The following CSMD2 variants were observed in gnomAD, a reference collection of about 807,000 sequenced individuals.
CSMD2 encodes CUB and Sushi multiple domains 2.
Under a neutral mutation model 398.5 loss-of-function variants are expected in CSMD2, and 130 were observed. The ratio of observed to expected loss-of-function variants is 0.33; its 90% CI spans 0.28 to 0.38. The LOEUF (loss-of-function observed/expected upper bound fraction) is 0.38, where lower values mean the gene tolerates loss of function less well. Among genes scored for constraint, CSMD2 ranks in the 10% least tolerant of loss-of-function variants. The pLI is 1.00. For missense variants in CSMD2, 3,829 were observed against 4,764.9 expected, an observed-to-expected ratio of 0.80 and a Z score of 5.78; for synonymous variants, 1,828 against 1,908.5, an observed-to-expected ratio of 0.96 and a Z score of 1.10.
chr1:33,692,836 C>A, intron 25 of CSMD2, 94 bp downstream of exon 25: 3 of 1,478,388 alleles, frequency 2.0e-6, no homozygotes, highest in Non-Finnish European at 1.9e-6. Flanking sequence ...GTGAGGCAGG[C>A]AGGCCAGGCA....
At chr1:34,073,756 G>A (rs1425037247) in intron 2 of CSMD2, among the ~76,000 whole-genome samples, 1 of 152,156 alleles carries the variant, frequency 6.6e-6, no homozygotes, top group African/African-American at 2.4e-5. Context: ...GAGACCCCTG[G>A]CCCACCCCTC....
At chr1:33,731,788 T>G (rs967320057) in intron 15 of CSMD2, among the ~76,000 whole-genome samples, 7 of 152,228 alleles carry the variant, frequency 4.6e-5, no homozygotes, top group African/African-American at 1.7e-4. Flanking sequence ...TTATATTAAT[T>G]GTTTTTAATT....
At chr1:34,085,241 TA>T (rs1193647965) in intron 2 of CSMD2, among the ~76,000 whole-genome samples, 7 of 151,586 alleles carry the variant, frequency 4.6e-5, no homozygotes, top group East Asian at 1.9e-4. Context: ...GGGGTGGGGT[TA>T]GGGGGGAGGG....
chr1:33,950,387 G>A (rs1214374098), intron 3 of CSMD2, among the ~76,000 whole-genome samples: 2 of 56,858 alleles, frequency 3.5e-5, no homozygotes, highest in Non-Finnish European at 7.3e-5. Flanking sequence ...CTCCAGCAGA[G>A]AGAGAGAGAG....
chr1:33,740,135 G>A (rs1051034856), intron 14 of CSMD2, among the ~76,000 whole-genome samples: 86 of 152,172 alleles, frequency 5.7e-4, no homozygotes, highest in Admixed American at 4.5e-3. Context: ...GGTGCGGCAC[G>A]TGACAGATGG....
At chr1:33,772,801 T>G in intron 12 of CSMD2, 50 bp from the exon 13 acceptor site, 1 of 1,521,416 alleles carries the variant, frequency 6.6e-7, no homozygotes, top group Non-Finnish European at 9.0e-7. Context: ...ACTTTATACC[T>G]CTTTTGGAGC....
chr1:33,583,691 C>T lies in CSMD2; in HGVS notation c.7191G>A (p.Val2397=). ...VEPDYNISLT[V]EYFLSEKQYD... is the part of the protein sequence containing the mutation. ...ATTGCTTCTCGCTGAGGAAGTACTCCACTGTGAGGGAGATGTTATAGTCGG... is the reference window on the plus strand; with the variant it reads ...ATTGCTTCTCGCTGAGGAAGTACTCTACTGTGAGGGAGATGTTATAGTCGG... Residue 2397 remains valine (V), a synonymous_variant, in exon 47 of 71, where the codon GTG becomes GTA. Coordinates refer to ENST00000373381, the MANE Select transcript of CSMD2 (RefSeq NM_001281956.2). The T allele has an allele frequency of 6.2e-7, 1 of 1,614,130 alleles. No homozygotes were observed. The highest frequency in any genetic ancestry group is 8.5e-7 in the Non-Finnish European group (1 of 1,180,018).
intron 5 of CSMD2, among the ~76,000 whole-genome samples, chr1:33,894,228 T>C (rs1642230684): frequency 6.6e-6 from 1 of 152,150 alleles, no homozygotes; most frequent in Non-Finnish European, 1.5e-5. Flanking sequence ...GCCCCCAGTG[T>C]TACAGCTCTG....
At chr1:33,735,312 G>A (rs1250809124) in intron 15 of CSMD2, among the ~76,000 whole-genome samples, 1 of 152,164 alleles carries the variant, frequency 6.6e-6, no homozygotes, top group Admixed American at 6.5e-5. Flanking sequence ...CTGGTGCAAG[G>A]TTGAAATGAG....
intron 3 of CSMD2, among the ~76,000 whole-genome samples, chr1:33,993,841 G>A (rs1175723511): frequency 6.6e-6 from 1 of 152,040 alleles, no homozygotes; most frequent in Non-Finnish European, 1.5e-5. Flanking sequence ...TCTTTTGCTT[G>A]TTTGCAGTGG....
chr1:33,926,568 A>G (rs956675770), intron 4 of CSMD2, among the ~76,000 whole-genome samples: 42 of 152,190 alleles, frequency 2.8e-4, no homozygotes, highest in Non-Finnish European at 3.8e-4. Flanking sequence ...AAGATCCTGC[A>G]AAAGCTGTTT....
At chr1:33,730,818 T>A (rs1253871017) in intron 15 of CSMD2, among the ~76,000 whole-genome samples, 2 of 152,164 alleles carry the variant, frequency 1.3e-5, no homozygotes, top group Admixed American at 1.3e-4. Context: ...AAAAGTGTTT[T>A]TACATTGGAA....
At chr1:34,056,627 T>C (rs571077357) in intron 2 of CSMD2, among the ~76,000 whole-genome samples, 1 of 152,352 alleles carries the variant, frequency 6.6e-6, no homozygotes, top group African/African-American at 2.4e-5. Context: ...AATAACTTAA[T>C]ACAGGCAAAA....
At position 34,032,703 on chromosome 1, in the gene CSMD2, G is replaced by A. The variant is rs147139517; in HGVS notation, c.408C>T (p.Leu136=). 4.8e-4 allele frequency: 757 copies of A among 1,579,138 alleles called. No individual in the cohort carries two copies. Among genetic ancestry groups the A allele is most frequent in the Non-Finnish European group, 6.1e-4 (706 of 1,160,762 alleles). ...PPQPENLRTR[L]TGFQLPATIV... is the part of the protein sequence containing the mutation. ...TGGTGGCTGGCAGCTGAAAGCCTGT[G>A]AGCCTGAAAGACAAAGAATTGGATT... Residue 136 remains leucine (L), a synonymous_variant, in exon 3 of 71, where the codon CTC becomes CTT. Coordinates refer to ENST00000373381, the MANE Select transcript of CSMD2 (RefSeq NM_001281956.2).
chr1:33,758,653 G>C (rs1649372749), intron 13 of CSMD2, among the ~76,000 whole-genome samples: 1 of 152,148 alleles, frequency 6.6e-6, no homozygotes, highest in Non-Finnish European at 1.5e-5. Context: ...CATACTAATT[G>C]TTCACAATCA....
At chr1:33,920,946 G>A (rs1235892231) in intron 4 of CSMD2, among the ~76,000 whole-genome samples, 1 of 152,214 alleles carries the variant, frequency 6.6e-6, no homozygotes, top group Admixed American at 6.5e-5. Flanking sequence ...GGCCTCAGGG[G>A]AGAGGGTGTT....
chr1:33,646,967 A>T (rs1643469225), intron 28 of CSMD2, 132 bp from the exon 29 acceptor site: 2 of 823,810 alleles, frequency 2.4e-6, no homozygotes, highest in Admixed American at 2.8e-5. Context: ...CCAACCCCTG[A>T]AGACTGGCTG....
In CSMD2 at chr1:33,713,821, G is replaced by T. The variant is rs1160166795; in HGVS notation, c.3406+766C>A. Among the ~76,000 whole-genome samples, 3 of 152,132 alleles carry T rather than the reference G, an allele frequency of 2.0e-5. No individual in the cohort carries two copies. In the East Asian group the frequency reaches 5.8e-4, roughly 29 times the overall value. On this transcript the variant is annotated intron_variant, in intron 21 of 70. Transcript: ENST00000373381. The stretch of plus-strand genomic sequence containing the variant: ...TCTCTGGCCAAACGTCAACTCATCA[G>T]AGAGGCCTTTTCTGACCATGATAAA...
Position 33,876,795 on chromosome 1 carries a change from A to G in CSMD2, c.921-29799T>C, listed in dbSNP as rs1161156696. The stretch of plus-strand genomic sequence containing the variant: ...AGACCCTAGTCTTATTCTGATGGTG[A>G]TTTAATGCCCTGGAACTCTCAAGGC... On this transcript the variant is annotated intron_variant, in intron 5 of 70. Coordinates refer to ENST00000373381, the MANE Select transcript of CSMD2 (RefSeq NM_001281956.2). Among the ~76,000 whole-genome samples the G allele has an allele frequency of 3.9e-5, 6 of 152,258 alleles. No homozygotes were observed. The Middle Eastern group carries it at 0.01, about 259-fold the overall frequency.
Sources: allele counts gnomAD v4.1 joint callset (sites outside exome capture counted in the v4.1 genomes callset), GRCh38; gene constraint gnomAD v4.1.1; transcripts MANE v1.5; gene names NCBI Gene and HGNC (gene_info 2026-07-23, HGNC 2026-07-21).